UROC1: variants seen among roughly 807,000 people sequenced by gnomAD.
UROC1 encodes urocanate hydratase.
UROC1 carries 79 observed loss-of-function variants against 89.5 expected under a neutral mutation model. That is an observed-to-expected ratio of 0.88 (90% confidence interval 0.74 to 1.06). The LOEUF (loss-of-function observed/expected upper bound fraction) is 1.06, where lower values mean the gene tolerates loss of function less well. Ranked by LOEUF, UROC1 falls within the 50% of genes least tolerant of loss-of-function variation. UROC1 has a pLI of 0.00. For missense variants in UROC1, 885 were observed against 907.8 expected (o/e 0.97, Z 0.32); for synonymous variants, 361 against 354.8 (o/e 1.02, Z -0.20).
At chr3:126,497,478 AC>A in intron 14 of UROC1, among the ~76,000 whole-genome samples, 1 of 152,206 alleles carries the variant, frequency 6.6e-6, no homozygotes, top group East Asian at 1.9e-4. Context: ...AACATGGGGG[AC>A]CCTGATGCAG....
At chr3:126,501,772 C>T in intron 9 of UROC1, 3 of 1,596,896 alleles carry the variant, frequency 1.9e-6, no homozygotes, top group Middle Eastern at 1.7e-4. Flanking sequence ...GTGGTATGGT[C>T]CCCATGAAAG....
At chr3:126,513,076 T>C (rs1034217996) in intron 1 of UROC1, among the ~76,000 whole-genome samples, 1 of 152,182 alleles carries the variant, frequency 6.6e-6, no homozygotes, top group Non-Finnish European at 1.5e-5. Flanking sequence ...TCCTGCATGG[T>C]GGCTGAGCAC....
At chr3:126,508,189 G>C (rs1371600390) in intron 4 of UROC1, 94 bp from the exon 5 acceptor site, 30 of 1,607,360 alleles carry the variant, frequency 1.9e-5, no homozygotes, top group Non-Finnish European at 2.4e-5. Flanking sequence ...AGCTCCCACA[G>C]GCCCCCAGGT....
chr3:126,490,168 T>C (rs1160622106), intron 16 of UROC1, among the ~76,000 whole-genome samples: 1 of 152,258 alleles, frequency 6.6e-6, no homozygotes, highest in Non-Finnish European at 1.5e-5. Flanking sequence ...CAAAGACTTT[T>C]CGCACAGAGA....
intron 15 of UROC1, among the ~76,000 whole-genome samples, chr3:126,494,624 T>C (rs17742408): frequency 0.08 from 12,107 of 152,226 alleles, 520 homozygotes; most frequent in Non-Finnish European, 0.086. Context: ...CAAAGGTGTA[T>C]GAACCAAATG....
chr3:126,503,214 T>A (rs1357557701), intron 9 of UROC1, among the ~76,000 whole-genome samples: 1 of 152,210 alleles, frequency 6.6e-6, no homozygotes, highest in Non-Finnish European at 1.5e-5. Flanking sequence ...TATGTTAGAA[T>A]GATAGGTCAA....
chr3:126,493,851 C>T (rs1935712675), intron 15 of UROC1, among the ~76,000 whole-genome samples: 1 of 152,200 alleles, frequency 6.6e-6, no homozygotes, highest in Admixed American at 6.5e-5. Flanking sequence ...CAGGTGTCTG[C>T]CCCAGTTGCT....
chr3:126,488,500 C>T (rs938161155), intron 17 of UROC1, among the ~76,000 whole-genome samples: 5 of 152,332 alleles, frequency 3.3e-5, no homozygotes, highest in African/African-American at 4.8e-5. Flanking sequence ...CCCATGGTGG[C>T]GCTCTCCAGC....
chr3:126,495,471 T>A (rs1935754776), intron 15 of UROC1, among the ~76,000 whole-genome samples: 2 of 152,220 alleles, frequency 1.3e-5, no homozygotes, highest in South Asian at 4.1e-4. Flanking sequence ...TTGTCACGTG[T>A]GTCAGCACTC....
intron 15 of UROC1, among the ~76,000 whole-genome samples, chr3:126,493,136 G>T (rs937940613): frequency 6.6e-6 from 1 of 152,144 alleles, no homozygotes; most frequent in Non-Finnish European, 1.5e-5. Context: ...GGTTGTCCCC[G>T]GGAGACAGCT....
chr3:126,507,455 C>T (rs926944093), intron 6 of UROC1, among the ~76,000 whole-genome samples: 13 of 151,794 alleles, frequency 8.6e-5, no homozygotes, highest in East Asian at 3.9e-4. Flanking sequence ...CACAGAAATT[C>T]GGTGGTATTC....
rs758929808 is a variant in UROC1 at position 126,488,243 on chromosome 3, C to A, written c.1745G>T (p.Arg582Leu). The A allele has an allele frequency of 2.5e-6, 4 of 1,614,238 alleles. No individual in the cohort carries two copies. Among genetic ancestry groups the A allele is most frequent in the Non-Finnish European group, 3.4e-6 (4 of 1,180,040 alleles). The change falls in exon 18 of 20, where the codon CGC (arginine) becomes CTC (leucine). Residue 582 changes from arginine (R) to leucine (L), a missense_variant. By Grantham distance (102) the Arg-to-Leu change is moderately radical (BLOSUM62 -2). Transcript: ENST00000290868. The stretch of plus-strand genomic sequence containing the variant: ...GTGAAGGGCGACCCAGGTGGCTCCG[C>A]GACAGGCATCTCCCACGAAGTTCTG... ...AVQNFVGDAC[R>L]GATWVALHNG...
chr3:126,498,085 G>A lies in UROC1; in HGVS notation c.1404C>T (p.Ala468=). The A allele has an allele frequency of 6.2e-7, 1 of 1,614,134 alleles. No individual in the cohort carries two copies. The highest frequency in any genetic ancestry group is 8.5e-7 in the Non-Finnish European group (1 of 1,180,020). Residue 468 remains alanine, a synonymous_variant, in exon 14 of 20, where the codon GCC becomes GCT. Coordinates refer to ENST00000290868, the MANE Select transcript of UROC1 (RefSeq NM_144639.3). ...PQDLAVTDEL[A]TSVLEEAIAD... ...CAATGGCTTCCTCCAGCACAGATGTGGCCAGTTCGTCTGTGACCGCCAGGT... is the reference window on the plus strand; with the variant it reads ...CAATGGCTTCCTCCAGCACAGATGTAGCCAGTTCGTCTGTGACCGCCAGGT...
intron 14 of UROC1, among the ~76,000 whole-genome samples, chr3:126,496,764 C>T (rs986812639): frequency 2.0e-5 from 3 of 152,230 alleles, no homozygotes; most frequent in African/African-American, 7.2e-5. Flanking sequence ...AATAAGCTTA[C>T]ACTTTTACCA....
chr3:126,508,213 C>T, intron 4 of UROC1, 118 bp from the exon 5 acceptor site: 3 of 1,579,988 alleles, frequency 1.9e-6, no homozygotes, highest in Non-Finnish European at 2.6e-6. Context: ...CATTCCACTC[C>T]AGTGGCCCTG....
At chr3:126,494,723 G>T (rs1295507566) in intron 15 of UROC1, among the ~76,000 whole-genome samples, 2 of 152,188 alleles carry the variant, frequency 1.3e-5, no homozygotes, top group Non-Finnish European at 2.9e-5. Flanking sequence ...GCAAGGGCTG[G>T]TCCCTCTGCC....
At chr3:126,513,559 C>T (rs1936239852) in intron 1 of UROC1, among the ~76,000 whole-genome samples, 2 of 152,218 alleles carry the variant, frequency 1.3e-5, no homozygotes, top group South Asian at 4.1e-4. Flanking sequence ...TGCCCTTTCC[C>T]CATCTGTAAA....
intron 11 of UROC1, 26 bp from the exon 12 acceptor site, chr3:126,500,180 ACCGCTGTGAGGC>A: frequency 6.2e-7 from 1 of 1,611,174 alleles, no homozygotes; most frequent in Non-Finnish European, 8.5e-7. Flanking sequence ...GGTCAGCACC[ACCGCTGTGAGGC>A]CCTGGGGCCT....
In UROC1 at chr3:126,500,890, G is replaced by T. The variant is rs79706014; in HGVS notation, c.966-16C>A. On this transcript the variant is annotated splice_polypyrimidine_tract_variant and intron_variant, in intron 10 of 19. Transcript: ENST00000290868. ...CAGGCGCTCCCTGGGGAAGCCATGCGGTGGTCAGTGCAAGCCACACACAGC... is the reference window on the plus strand; with the variant it reads ...CAGGCGCTCCCTGGGGAAGCCATGCTGTGGTCAGTGCAAGCCACACACAGC... 1.2e-6 allele frequency: 2 copies of T among 1,612,816 alleles called. No individual in the cohort carries two copies. The highest frequency in any genetic ancestry group is 1.7e-6 in the Non-Finnish European group (2 of 1,179,760).
Sources: allele counts gnomAD v4.1 joint callset (sites outside exome capture counted in the v4.1 genomes callset), GRCh38; gene constraint gnomAD v4.1.1; transcripts MANE v1.5; gene names NCBI Gene and HGNC (gene_info 2026-07-23, HGNC 2026-07-21).